Variants in NELL2 observed in about 807,000 individuals in gnomAD.
NELL2 encodes the protein neural EGFL like 2, also known as protein kinase C-binding protein NELL2.
In NELL2, 41 loss-of-function variants were observed where a neutral mutation model predicts 109.6. The ratio of observed to expected loss-of-function variants is 0.37; its 90% confidence interval spans 0.29 to 0.49. NELL2 has a LOEUF of 0.49. Ranked by LOEUF, NELL2 falls within the 20% of genes least tolerant of loss-of-function variation. The pLI is 0.98. For synonymous variants in NELL2, 355 were observed against 344.7 expected (o/e 1.03, Z -0.33); for missense variants, 900 against 1,008.3 (o/e 0.89, Z 1.45).
intron 9 of NELL2, among the ~76,000 whole-genome samples, chr12:44,720,887 T>A (rs1938735585): frequency 6.6e-6 from 1 of 152,176 alleles, no homozygotes. Flanking sequence ...GACCAAAGTG[T>A]GCTTCCCATA....
At chr12:44,747,835 G>T (rs1317201788) in intron 9 of NELL2, among the ~76,000 whole-genome samples, 1 of 152,058 alleles carries the variant, frequency 6.6e-6, no homozygotes, top group Non-Finnish European at 1.5e-5. Flanking sequence ...CAGAAAAATG[G>T]GACTTGTATG....
chr12:44,565,564 G>C (rs1565935629), intron 15 of NELL2, among the ~76,000 whole-genome samples: 1 of 152,136 alleles, frequency 6.6e-6, no homozygotes, highest in Non-Finnish European at 1.5e-5. Flanking sequence ...TAGATTGAGG[G>C]AAGAGCAAGT....
At chr12:44,862,711 A>T (rs1944877373) in intron 2 of NELL2, among the ~76,000 whole-genome samples, 1 of 152,190 alleles carries the variant, frequency 6.6e-6, no homozygotes. Context: ...AAAAAACACA[A>T]ATTCTTCAGC....
chr12:44,794,487 T>C (rs1445547753), intron 3 of NELL2, among the ~76,000 whole-genome samples: 2 of 152,124 alleles, frequency 1.3e-5, no homozygotes, highest in African/African-American at 4.8e-5. Flanking sequence ...AGTACCTCCT[T>C]GTGCTGGCAG....
chr12:44,733,955 G>T (rs1029506222), intron 9 of NELL2, among the ~76,000 whole-genome samples: 14 of 151,866 alleles, frequency 9.2e-5, no homozygotes, highest in African/African-American at 3.4e-4. Context: ...AATATTCCAT[G>T]GGTGCTTAAA....
intron 3 of NELL2, among the ~76,000 whole-genome samples, chr12:44,794,257 G>C (rs1942538061): frequency 6.6e-6 from 1 of 152,114 alleles, no homozygotes; most frequent in Non-Finnish European, 1.5e-5. Flanking sequence ...TGAATGAGCT[G>C]ACTTAAGAAA....
chr12:44,799,628 A>G (rs1942762941), intron 3 of NELL2, among the ~76,000 whole-genome samples: 1 of 152,122 alleles, frequency 6.6e-6, no homozygotes, highest in Non-Finnish European at 1.5e-5. Context: ...CAGAATACAG[A>G]TCAGTATATT....
At chr12:44,787,861 TA>T (rs1454724904) in intron 3 of NELL2, among the ~76,000 whole-genome samples, 2 of 152,042 alleles carry the variant, frequency 1.3e-5, no homozygotes, top group African/African-American at 2.4e-5. Context: ...ACTGTTAGGA[TA>T]AAAAAAGGAT....
At chr12:44,628,598 C>A (rs943677861) in intron 13 of NELL2, among the ~76,000 whole-genome samples, 1 of 152,194 alleles carries the variant, frequency 6.6e-6, no homozygotes, top group East Asian at 1.9e-4. Context: ...TCCCCAGGTT[C>A]TTCATCCCTC....
At chr12:44,901,808 T>A (rs1016329219) in intron 1 of NELL2, among the ~76,000 whole-genome samples, 35 of 152,298 alleles carry the variant, frequency 2.3e-4, no homozygotes, top group African/African-American at 8.2e-4. Flanking sequence ...AACCACATGA[T>A]TATCTCAATA....
At chr12:44,539,282 T>C (rs1364180226) in intron 15 of NELL2, among the ~76,000 whole-genome samples, 1 of 152,152 alleles carries the variant, frequency 6.6e-6, no homozygotes, top group Non-Finnish European at 1.5e-5. Context: ...TTTTTGTCCT[T>C]CCAAATAAAT....
chr12:44,803,604 A>T (rs1164882003), intron 3 of NELL2, among the ~76,000 whole-genome samples: 1 of 151,990 alleles, frequency 6.6e-6, no homozygotes, highest in African/African-American at 2.4e-5. Context: ...AGCTATTTCA[A>T]TTTTTTAAAA....
chr12:44,751,235 T>C (rs1940637105), intron 9 of NELL2, among the ~76,000 whole-genome samples: 1 of 152,104 alleles, frequency 6.6e-6, no homozygotes. Flanking sequence ...ATAAATGTTG[T>C]TTTGGTTTTG....
intron 3 of NELL2, among the ~76,000 whole-genome samples, chr12:44,798,517 T>C (rs1004359088): frequency 6.6e-6 from 1 of 152,128 alleles, no homozygotes; most frequent in Non-Finnish European, 1.5e-5. Flanking sequence ...CAGAATGCTA[T>C]GAAACAATAC....
chr12:44,859,038 A>C (rs541661435), intron 2 of NELL2, among the ~76,000 whole-genome samples: 1 of 152,312 alleles, frequency 6.6e-6, no homozygotes, highest in South Asian at 2.1e-4. Flanking sequence ...ACAATTTGTC[A>C]TATATAGACT....
intron 3 of NELL2, among the ~76,000 whole-genome samples, chr12:44,801,822 T>C (rs1942838926): frequency 1.3e-5 from 2 of 152,142 alleles, no homozygotes; most frequent in Non-Finnish European, 2.9e-5. Context: ...AGATGCTCTG[T>C]ACTTCTCATT....
intron 15 of NELL2, among the ~76,000 whole-genome samples, chr12:44,589,926 T>G (rs1358366399): frequency 6.6e-6 from 1 of 152,178 alleles, no homozygotes; most frequent in East Asian, 1.9e-4. Flanking sequence ...AATTTCATTT[T>G]CACTTTGTTC....
chr12:44,807,459 T>C (rs1655740324), intron 3 of NELL2, among the ~76,000 whole-genome samples: 2 of 151,792 alleles, frequency 1.3e-5, no homozygotes, highest in South Asian at 4.2e-4. Flanking sequence ...ATCATCGAGA[T>C]ATGATAAGCT....
At chr12:44,587,308 T>TATATATA (rs1491354933) in intron 15 of NELL2, among the ~76,000 whole-genome samples, 7 of 68,198 alleles carry the variant, frequency 1.0e-4, no homozygotes, top group African/African-American at 3.0e-4. Flanking sequence ...TATATATATA[T>TATATATA]TTTTTTTTAA....
Sources: allele counts gnomAD v4.1 joint callset (sites outside exome capture counted in the v4.1 genomes callset), GRCh38; gene constraint gnomAD v4.1.1; transcripts MANE v1.5; gene names NCBI Gene and HGNC (gene_info 2026-07-23, HGNC 2026-07-21).